UNC80: variants seen among roughly 807,000 people sequenced by gnomAD.
UNC80 encodes protein unc-80 homolog.
Under a neutral mutation model 384.6 loss-of-function variants are expected in UNC80, and 164 were observed. That is an observed-to-expected ratio of 0.43 (90% CI 0.38 to 0.49). The LOEUF (loss-of-function observed/expected upper bound fraction) is 0.49, where lower values mean the gene tolerates loss of function less well. Among genes scored for constraint, UNC80 ranks in the 20% least tolerant of loss-of-function variants. The pLI is 0.00. For missense variants in UNC80, 3,330 were observed against 4,143.0 expected, an observed-to-expected ratio of 0.80 and a Z score of 5.39; for synonymous variants, 1,486 against 1,527.8, an observed-to-expected ratio of 0.97 and a Z score of 0.64.
At chr2:209,944,723 C>T (rs2091828416) in intron 45 of UNC80, among the ~76,000 whole-genome samples, 1 of 152,104 alleles carries the variant, frequency 6.6e-6, no homozygotes, top group Admixed American at 6.5e-5. Context: ...TTCAACCAAT[C>T]AATTATAGAA....
intron 51 of UNC80, among the ~76,000 whole-genome samples, chr2:209,964,458 A>G (rs1347228462): frequency 6.6e-6 from 1 of 152,228 alleles, no homozygotes; most frequent in Non-Finnish European, 1.5e-5. Context: ...TCAATCAGCA[A>G]AATTCAGAGT....
intron 28 of UNC80, among the ~76,000 whole-genome samples, chr2:209,900,638 T>G (rs1486399414): frequency 1.3e-5 from 2 of 152,200 alleles, no homozygotes; most frequent in Non-Finnish European, 2.9e-5. Flanking sequence ...GTCTCTCACT[T>G]TAAATCAAAT....
chr2:209,925,028 C>G (rs1489381388), intron 35 of UNC80, among the ~76,000 whole-genome samples: 2 of 151,838 alleles, frequency 1.3e-5, no homozygotes, highest in Non-Finnish European at 2.9e-5. Flanking sequence ...TCCTAAGGAC[C>G]TAGGAAGACA....
At position 209,819,085 on chromosome 2, in the gene UNC80, A is replaced by T; in HGVS notation, c.1786A>T (p.Met596Leu). Reference sequence around the variant, plus strand: ...CTATGCAGACTTTTTCAATGAGCATATGAGGAAACTCTGCAACCAGGTGCC... The same window carrying T: ...CTATGCAGACTTTTTCAATGAGCATTTGAGGAAACTCTGCAACCAGGTGCC... The part of the protein sequence containing the change: ...VGYADFFNEH[M>L]RKLCNQVPIP... Residue 596 changes from methionine to leucine, a missense_variant, in exon 12 of 65, where the codon ATG (methionine) becomes TTG (leucine). Around this residue, in one of 8 missense-constraint regions of UNC80, gnomAD observed 937 missense variants for 1,026.8 expected, o/e 0.91. Coordinates refer to ENST00000673920, the MANE Select transcript of UNC80 (RefSeq NM_001371986.1). 1.9e-6 allele frequency: 3 copies of T among 1,552,150 alleles called. No individual in the cohort carries two copies. Among genetic ancestry groups the T allele is most frequent in the East Asian group, 4.9e-5 (2 of 40,910 alleles).
chr2:209,907,706 A>G lies in UNC80; in HGVS notation c.4782+2741A>G, dbSNP rs113369851. ...ATCCTGCGAGCAGTGGCATGTTCTT[A>G]CACTTAATTATAAGCTTTTTGAGAA... On this transcript the variant is annotated intron_variant, in intron 29 of 64. Transcript: ENST00000673920. 3.5e-3 allele frequency among the ~76,000 whole-genome samples: 533 copies of G among 152,342 alleles called. 4 individuals carry two copies. Among genetic ancestry groups the G allele is most frequent in the African/African-American group, 0.012 (513 of 41,570 alleles).
intron 33 of UNC80, 83 bp downstream of exon 33, chr2:209,918,746 C>G (rs2124949340): frequency 7.3e-7 from 1 of 1,371,670 alleles, no homozygotes; most frequent in East Asian, 2.5e-5. Flanking sequence ...TCATTCTCAT[C>G]ATAAGAATGT....
At chr2:209,885,304 G>A (rs949868099) in intron 25 of UNC80, among the ~76,000 whole-genome samples, 13 of 152,312 alleles carry the variant, frequency 8.5e-5, no homozygotes, top group African/African-American at 2.9e-4. Context: ...GAAGCAAAAT[G>A]TAAGAGGGTC....
intron 29 of UNC80, among the ~76,000 whole-genome samples, chr2:209,909,033 C>A (rs1409542276): frequency 6.6e-6 from 1 of 152,104 alleles, no homozygotes; most frequent in African/African-American, 2.4e-5. Context: ...TATATAAATA[C>A]CTTGTTATTT....
At chr2:209,955,732 TATATATACACACACAC>T (rs1197149218) in intron 48 of UNC80, among the ~76,000 whole-genome samples, 1 of 63,828 alleles carries the variant, frequency 1.6e-5, no homozygotes, top group African/African-American at 1.1e-4. Context: ...TATATATATA[TATATATACACACACAC>T]ACACACACAC....
chr2:209,888,313 G>A (rs910723822), intron 26 of UNC80, 53 bp downstream of exon 26: 3 of 1,537,956 alleles, frequency 2.0e-6, no homozygotes, highest in African/African-American at 2.8e-5. Context: ...TTTCTCATAG[G>A]ATATTTGCAC....
At chr2:209,808,033 C>G (rs2079019554) in intron 7 of UNC80, among the ~76,000 whole-genome samples, 1 of 152,166 alleles carries the variant, frequency 6.6e-6, no homozygotes, top group African/African-American at 2.4e-5. Context: ...TTTCTAGTCT[C>G]TGATCACAGC....
At chr2:209,980,445 G>A (rs2093130241) in intron 59 of UNC80, among the ~76,000 whole-genome samples, 1 of 152,168 alleles carries the variant, frequency 6.6e-6, no homozygotes, top group Admixed American at 6.5e-5. Flanking sequence ...GCAGCAGGGG[G>A]ACTGGGGAGC....
Position 209,933,810 on chromosome 2 carries a change from A to G in UNC80, c.5995-12A>G. ...TTGTAGCTTTGTGAACTCTTCTTAT[A>G]CTGACTTCTAGGTAGGATTAATCAT... On this transcript the variant is annotated splice_polypyrimidine_tract_variant and intron_variant, in intron 38 of 64. Coordinates refer to ENST00000673920, the MANE Select transcript of UNC80 (RefSeq NM_001371986.1). 1 of 1,546,234 alleles carries G rather than the reference A, an allele frequency of 6.5e-7. No individual in the cohort carries two copies. Among genetic ancestry groups the G allele is most frequent in the African/African-American group, 1.4e-5 (1 of 72,948 alleles).
At chr2:209,791,377 T>C (rs1014968035) in intron 6 of UNC80, among the ~76,000 whole-genome samples, 1 of 152,176 alleles carries the variant, frequency 6.6e-6, no homozygotes, top group Non-Finnish European at 1.5e-5. Context: ...CCCTGTTTTT[T>C]TTGTGCCTCC....
intron 63 of UNC80, 107 bp downstream of exon 63, chr2:209,993,533 G>C (rs962204016): frequency 3.4e-6 from 3 of 893,278 alleles, no homozygotes; most frequent in African/African-American, 3.4e-5. Context: ...ACACCTTTGG[G>C]GAGGTGCTAA....
At chr2:209,907,175 T>G (rs2088323816) in intron 29 of UNC80, among the ~76,000 whole-genome samples, 1 of 152,074 alleles carries the variant, frequency 6.6e-6, no homozygotes, top group African/African-American at 2.4e-5. Flanking sequence ...TTTCTCATTC[T>G]TCTTTCAATT....
chr2:209,898,818 G>A (rs533302153), intron 28 of UNC80, among the ~76,000 whole-genome samples: 2 of 152,178 alleles, frequency 1.3e-5, no homozygotes, highest in South Asian at 2.1e-4. Context: ...ATGTCCATGA[G>A]TTCAATTGTT....
chr2:209,984,893 G>T lies in UNC80; in HGVS notation c.9295G>T (p.Ala3099Ser). The T allele has an allele frequency of 1.3e-6, 2 of 1,550,004 alleles. No homozygotes were observed. The highest frequency in any genetic ancestry group is 1.7e-6 in the Non-Finnish European group (2 of 1,146,508). Reference protein sequence around the residue: ...NVLDDSQGLAAEGSLSRVASI... With the variant: ...NVLDDSQGLASEGSLSRVASI... ...CCTCGATGACTCCCAGGGCCTGGCC[G>T]CCGAGGGCAGCCTCTCTAGGTACAG... The change falls in exon 61 of 65, where the codon GCC (alanine) becomes TCC (serine). Residue 3099 changes from alanine (A) to serine (S), a missense_variant. Physicochemically the swap from Ala to Ser is moderately conservative, Grantham distance 99. Coordinates refer to ENST00000673920, the MANE Select transcript of UNC80 (RefSeq NM_001371986.1).
intron 16 of UNC80, 117 bp downstream of exon 16, chr2:209,831,708 T>G: frequency 2.0e-5 from 24 of 1,180,672 alleles, no homozygotes; most frequent in Non-Finnish European, 2.5e-5. Context: ...CTTTAAAGTT[T>G]AAATATCTAT....
Sources: allele counts gnomAD v4.1 joint callset (sites outside exome capture counted in the v4.1 genomes callset), GRCh38; gene constraint gnomAD v4.1.1; regional missense constraint gnomAD v4.1.1; transcripts MANE v1.5; gene names NCBI Gene and HGNC (gene_info 2026-07-23, HGNC 2026-07-21).